Variants in DYNC1I1 observed in about 807,000 individuals in gnomAD.
The protein encoded by DYNC1I1 is dynein cytoplasmic 1 intermediate chain 1.
In DYNC1I1, 43 loss-of-function variants were observed where a neutral mutation model predicts 86.6. The observed-to-expected ratio is 0.50, with a 90% CI of 0.39 to 0.64. DYNC1I1 has a LOEUF of 0.64. Ranked by LOEUF, DYNC1I1 falls within the 30% of genes least tolerant of loss-of-function variation. DYNC1I1 has a pLI of 0.00. For synonymous variants in DYNC1I1, 262 were observed against 283.7 expected, an observed-to-expected ratio of 0.92 and a Z score of 0.77; for missense variants, 604 against 788.8, an observed-to-expected ratio of 0.77 and a Z score of 2.81.
At position 96,083,402 on chromosome 7, in the gene DYNC1I1, A is replaced by G. The variant is rs545757195; in HGVS notation, c.1776+2914A>G. On this transcript the variant is annotated intron_variant, in intron 16 of 16. Coordinates refer to ENST00000447467, the MANE Select transcript of DYNC1I1 (RefSeq NM_001135556.2). ...GACCTCGTCTGTAGAGGTACAATGT[A>G]CTAAAAGGAAAAATGACTTCCCTAC... 2.6e-5 allele frequency among the ~76,000 whole-genome samples: 4 copies of G among 152,266 alleles called. No homozygotes were observed. In the South Asian group the frequency reaches 8.3e-4, roughly 32 times the overall value.
At chr7:96,022,746 T>G (rs2115923636) in intron 10 of DYNC1I1, among the ~76,000 whole-genome samples, 1 of 152,040 alleles carries the variant, frequency 6.6e-6, no homozygotes, top group East Asian at 1.9e-4. Flanking sequence ...GTGCCTGTAA[T>G]CCCAGCTACT....
intron 10 of DYNC1I1, among the ~76,000 whole-genome samples, chr7:96,003,029 G>C (rs1794051660): frequency 6.6e-6 from 1 of 151,990 alleles, no homozygotes; most frequent in South Asian, 2.1e-4. Flanking sequence ...TTTTTTGGTA[G>C]AGACAGGATT....
chr7:95,840,364 C>G (rs1348806029), intron 5 of DYNC1I1, among the ~76,000 whole-genome samples: 1 of 151,916 alleles, frequency 6.6e-6, no homozygotes, highest in Non-Finnish European at 1.5e-5. Context: ...CTGTTGAAAC[C>G]TCATATTGAA....
At chr7:95,799,893 A>G (rs1453184953) in intron 1 of DYNC1I1, among the ~76,000 whole-genome samples, 1 of 151,870 alleles carries the variant, frequency 6.6e-6, no homozygotes, top group Non-Finnish European at 1.5e-5. Context: ...TTAGGGTGCA[A>G]TTGGTGATGT....
chr7:95,989,637 C>T (rs181760841), intron 9 of DYNC1I1, among the ~76,000 whole-genome samples: 1 of 152,292 alleles, frequency 6.6e-6, no homozygotes, highest in East Asian at 1.9e-4. Context: ...GCCACATTGC[C>T]TGTGGAGGTG....
intron 10 of DYNC1I1, among the ~76,000 whole-genome samples, chr7:96,005,003 C>T (rs1405806402): frequency 6.6e-6 from 1 of 152,034 alleles, no homozygotes; most frequent in East Asian, 1.9e-4. Flanking sequence ...TTTAAATTAT[C>T]TAATTGAAAT....
intron 14 of DYNC1I1, among the ~76,000 whole-genome samples, chr7:96,073,783 G>T (rs763839906): frequency 2.2e-4 from 34 of 152,136 alleles, no homozygotes; most frequent in Non-Finnish European, 4.3e-4. Flanking sequence ...TTTGCAGTGG[G>T]AATAATCTTC....
At chr7:95,834,671 G>T (rs1789023530) in intron 5 of DYNC1I1, among the ~76,000 whole-genome samples, 5 of 134,162 alleles carry the variant, frequency 3.7e-5, no homozygotes, top group Non-Finnish European at 3.2e-5. Flanking sequence ...TCTATTCAGA[G>T]ATTCAACTTC....
chr7:96,024,481 ATAAT>A (rs1191630434), intron 10 of DYNC1I1, among the ~76,000 whole-genome samples: 1 of 152,222 alleles, frequency 6.6e-6, no homozygotes, highest in African/African-American at 2.4e-5. Context: ...AAAATAGGAA[ATAAT>A]TAAGACTATA....
chr7:95,944,912 T>C (rs980896170), intron 6 of DYNC1I1, among the ~76,000 whole-genome samples: 3 of 150,928 alleles, frequency 2.0e-5, no homozygotes, highest in African/African-American at 7.3e-5. Context: ...TTAGGAGATA[T>C]ACCTAATGCT....
chr7:95,857,397 T>C (rs1789753470), intron 5 of DYNC1I1, among the ~76,000 whole-genome samples: 1 of 152,218 alleles, frequency 6.6e-6, no homozygotes, highest in Non-Finnish European at 1.5e-5. Flanking sequence ...TTATTAATGA[T>C]AAAATCTTGA....
At chr7:96,083,397 A>G (rs1248756819) in intron 16 of DYNC1I1, among the ~76,000 whole-genome samples, 1 of 149,110 alleles carries the variant, frequency 6.7e-6, no homozygotes, top group East Asian at 1.9e-4. Context: ...GTAGAGGTAC[A>G]ATGTACTAAA....
At chr7:95,860,931 AC>A (rs1789860257) in intron 5 of DYNC1I1, among the ~76,000 whole-genome samples, 1 of 152,144 alleles carries the variant, frequency 6.6e-6, no homozygotes, top group African/African-American at 2.4e-5. Flanking sequence ...TTTTAATACT[AC>A]AATTGGGGTT....
chr7:95,822,402 TTAAC>T (rs1795095034), intron 4 of DYNC1I1, among the ~76,000 whole-genome samples: 1 of 152,220 alleles, frequency 6.6e-6, no homozygotes, highest in Non-Finnish European at 1.5e-5. Flanking sequence ...AAATTATAAA[TTAAC>T]TACTACATGG....
chr7:95,866,679 G>A (rs887464372), intron 5 of DYNC1I1, among the ~76,000 whole-genome samples: 8 of 152,200 alleles, frequency 5.3e-5, no homozygotes, highest in African/African-American at 1.4e-4. Context: ...AGAAGCATTT[G>A]ATATAAATGC....
At chr7:95,785,771 A>ATG (rs1171274586) in intron 1 of DYNC1I1, among the ~76,000 whole-genome samples, 1,284 of 52,606 alleles carry the variant, frequency 0.024, 17 homozygotes, top group South Asian at 0.046. Context: ...ATATGTGTGT[A>ATG]TGTGTATATA....
At chr7:95,941,744 C>G (rs1792228664) in intron 6 of DYNC1I1, among the ~76,000 whole-genome samples, 1 of 152,240 alleles carries the variant, frequency 6.6e-6, no homozygotes. Context: ...TTCCTGACCA[C>G]TTGCGCTTCC....
intron 14 of DYNC1I1, among the ~76,000 whole-genome samples, chr7:96,051,233 A>C (rs1789395824): frequency 6.6e-6 from 1 of 152,146 alleles, no homozygotes; most frequent in Non-Finnish European, 1.5e-5. Flanking sequence ...TCCTGGTACA[A>C]CTTCAGGGGG....
At chr7:95,853,019 C>T (rs1349671241) in intron 5 of DYNC1I1, among the ~76,000 whole-genome samples, 2 of 151,970 alleles carry the variant, frequency 1.3e-5, no homozygotes, top group Non-Finnish European at 2.9e-5. Context: ...TCCTCTTTGA[C>T]CCTTTGGTTG....
Sources: gnomAD v4.1 joint callset for allele counts (sites outside exome capture counted in the v4.1 genomes callset) on GRCh38, gnomAD v4.1.1 for gene constraint, MANE v1.5 for transcripts, NCBI Gene and HGNC (gene_info 2026-07-23, HGNC 2026-07-21) for gene names.